Variants in RBM18 observed in about 807,000 individuals in gnomAD.
The protein encoded by RBM18 is probable RNA-binding protein 18.
RBM18 carries 18 observed loss-of-function variants against 26.4 expected under a neutral mutation model. The observed-to-expected ratio is 0.68, with a 90% confidence interval of 0.47 to 1.01. The LOEUF is 1.01. RBM18 is among the 50% of genes least tolerant of loss of function. The pLI, the probability that RBM18 is intolerant of heterozygous loss-of-function variation, is 0.00. For synonymous variants in RBM18, 74 were observed against 81.1 expected (o/e 0.91, Z 0.47); for missense variants, 180 against 219.2 (o/e 0.82, Z 1.13).
intron 2 of RBM18, among the ~76,000 whole-genome samples, chr9:122,259,187 CA>C (rs960067731): frequency 6.6e-6 from 1 of 152,122 alleles, no homozygotes; most frequent in Admixed American, 6.6e-5. Context: ...ACTGAGGTGG[CA>C]AATGCCCATT....
intron 4 of RBM18, among the ~76,000 whole-genome samples, chr9:122,245,593 A>G (rs931172460): frequency 2.6e-5 from 4 of 152,172 alleles, no homozygotes; most frequent in Non-Finnish European, 5.9e-5. Flanking sequence ...TCAACTTTCA[A>G]TATCTCAGAT....
chr9:122,243,651 G>A, intron 5 of RBM18: 4 of 812,452 alleles, frequency 4.9e-6, no homozygotes, highest in Non-Finnish European at 5.9e-6. Flanking sequence ...CTTGGAAGGA[G>A]TATATACATG....
In RBM18 at chr9:122,242,703, G is replaced by A. The variant is rs58736291; in HGVS notation, c.414-660C>T. Among the ~76,000 whole-genome samples, 817 of 151,810 alleles carry A rather than the reference G, an allele frequency of 5.4e-3. 11 individuals are homozygous for A. The highest frequency in any genetic ancestry group is 0.019 in the African/African-American group (785 of 41,376). The stretch of plus-strand genomic sequence containing the variant: ...GACAGGGTCTTGTTCTGCCACCAAG[G>A]CTGTAATACAGTGGTGCCATCATAG... On this transcript the variant is annotated intron_variant, in intron 5 of 5. Coordinates refer to ENST00000417201, the MANE Select transcript of RBM18 (RefSeq NM_033117.4).
chr9:122,246,776 C>T (rs375430314), intron 4 of RBM18, among the ~76,000 whole-genome samples: 1 of 152,128 alleles, frequency 6.6e-6, no homozygotes, highest in Admixed American at 6.6e-5. Context: ...AGCTCCAACT[C>T]AAAACTGTCA....
chr9:122,261,434 G>T lies in RBM18; in HGVS notation c.59C>A (p.Ser20Tyr). ...LENASILSEGSLQEGHRLWIG... is the reference protein window; with the variant it reads ...LENASILSEGYLQEGHRLWIG... ...CCATAATCGGTGTCCTTCCTGCAGA[G>T]AGCCCTCTGAAAGGATGGATGCATT... The change falls in exon 2 of 6, where the codon TCT becomes TAT. Residue 20 changes from serine (S) to tyrosine (Y), a missense_variant. Coordinates refer to ENST00000417201, the MANE Select transcript of RBM18 (RefSeq NM_033117.4). The T allele has an allele frequency of 6.2e-7, 1 of 1,614,178 alleles. No homozygotes were observed. Among genetic ancestry groups the T allele is most frequent in the Admixed American group, 1.7e-5 (1 of 60,024 alleles).
chr9:122,243,123 C>G (rs1831450566), intron 5 of RBM18, among the ~76,000 whole-genome samples: 2 of 152,230 alleles, frequency 1.3e-5, no homozygotes, highest in African/African-American at 2.4e-5. Flanking sequence ...CTACCGCGCC[C>G]AGCCCCATCT....
Position 122,261,363 on chromosome 9 carries a change from A to C in RBM18, c.113+17T>G. On this transcript the variant is annotated intron_variant, in intron 2 of 5. Transcript: ENST00000417201. ...TCCCAATATTGTAGGTAAAAAACTA[A>C]GGTAACTTAGACTTACTCGGTAATT... 3.8e-6 allele frequency: 6 copies of C among 1,561,476 alleles called. No homozygotes were observed. Among genetic ancestry groups the C allele is most frequent in the Non-Finnish European group, 5.3e-6 (6 of 1,131,978 alleles).
At chr9:122,244,412 TC>T (rs1831471992) in intron 5 of RBM18, among the ~76,000 whole-genome samples, 1 of 152,192 alleles carries the variant, frequency 6.6e-6, no homozygotes, top group African/African-American at 2.4e-5. Context: ...CGTATTTTCT[TC>T]CCCTGCCCCG....
At chr9:122,254,300 G>A (rs1022258702) in intron 2 of RBM18, 2 of 957,640 alleles carry the variant, frequency 2.1e-6, no homozygotes, top group African/African-American at 3.5e-5. Flanking sequence ...CATCTGCTTA[G>A]GTTTGTGTCT....
At chr9:122,246,357 T>C (rs1831505495) in intron 4 of RBM18, among the ~76,000 whole-genome samples, 1 of 152,106 alleles carries the variant, frequency 6.6e-6, no homozygotes, top group African/African-American at 2.4e-5. Context: ...TGAAGAGCAA[T>C]CAAGAGCCTC....
intron 3 of RBM18, among the ~76,000 whole-genome samples, chr9:122,249,078 C>A (rs867121555): frequency 6.6e-5 from 10 of 151,670 alleles, no homozygotes; most frequent in Admixed American, 2.6e-4. Context: ...AAAGTAGGAG[C>A]AGTAATAAGC....
chr9:122,253,531 G>C (rs143165480), intron 2 of RBM18, among the ~76,000 whole-genome samples: 1 of 152,148 alleles, frequency 6.6e-6, no homozygotes, highest in Non-Finnish European at 1.5e-5. Context: ...GACACCTTAA[G>C]TGCAAATGTG....
intron 2 of RBM18, among the ~76,000 whole-genome samples, chr9:122,254,027 CA>C (rs561923338): frequency 1.4e-3 from 122 of 86,750 alleles, no homozygotes; most frequent in South Asian, 8.6e-3. Context: ...GATTCCGTCT[CA>C]AAAAAAAAAA....
chr9:122,247,635 A>G, intron 3 of RBM18, 31 bp from the exon 4 acceptor site: 2 of 1,544,936 alleles, frequency 1.3e-6, no homozygotes, highest in Non-Finnish European at 1.8e-6. Context: ...TGTTAGTTAA[A>G]AACTGAAATG....
At chr9:122,259,131 T>C (rs1214079105) in intron 2 of RBM18, among the ~76,000 whole-genome samples, 4 of 152,050 alleles carry the variant, frequency 2.6e-5, no homozygotes, top group African/African-American at 9.7e-5. Flanking sequence ...TTCCTGCCAA[T>C]GTTCTAATTG....
At chr9:122,248,973 T>G (rs1405448276) in intron 3 of RBM18, among the ~76,000 whole-genome samples, 1 of 152,204 alleles carries the variant, frequency 6.6e-6, no homozygotes, top group East Asian at 1.9e-4. Flanking sequence ...CTTGCCCCAC[T>G]ACAGCACACA....
At chr9:122,263,281 A>C (rs899785389) in intron 1 of RBM18, among the ~76,000 whole-genome samples, 13 of 152,328 alleles carry the variant, frequency 8.5e-5, no homozygotes, top group African/African-American at 2.9e-4. Flanking sequence ...CAGCAATGTA[A>C]GTCAAGCAAC....
At chr9:122,245,472 C>A in intron 4 of RBM18, 131 bp from the exon 5 acceptor site, 1 of 536,220 alleles carries the variant, frequency 1.9e-6, no homozygotes, top group Non-Finnish European at 3.3e-6. Context: ...GACCACTTTA[C>A]ACTTAGAATT....
chr9:122,242,960 G>A (rs181243921), intron 5 of RBM18, among the ~76,000 whole-genome samples: 2 of 152,198 alleles, frequency 1.3e-5, no homozygotes, highest in African/African-American at 4.8e-5. Context: ...CCAAGTAGCC[G>A]GGATTACAGG....
Sources: gnomAD v4.1 joint callset for allele counts (sites outside exome capture counted in the v4.1 genomes callset) on GRCh38, gnomAD v4.1.1 for gene constraint, MANE v1.5 for transcripts, NCBI Gene and HGNC (gene_info 2026-07-23, HGNC 2026-07-21) for gene names.